Variants in IQCM observed in about 807,000 individuals in gnomAD.
IQCM encodes the protein IQ motif containing M.
In IQCM, 45 loss-of-function variants were observed where a neutral mutation model predicts 57.6. The ratio of observed to expected loss-of-function variants is 0.78; its 90% confidence interval spans 0.62 to 1.00. IQCM has a LOEUF of 1.00. IQCM is among the 50% of genes least tolerant of loss of function. The pLI is 0.00. For missense variants in IQCM, 468 were observed against 511.6 expected, an observed-to-expected ratio of 0.91 and a Z score of 0.82; for synonymous variants, 148 against 158.9, an observed-to-expected ratio of 0.93 and a Z score of 0.51.
intron 13 of IQCM, among the ~76,000 whole-genome samples, chr4:149,406,434 G>C (rs894447139): frequency 1.3e-5 from 2 of 152,100 alleles, no homozygotes; most frequent in Non-Finnish European, 2.9e-5. Flanking sequence ...ATTCAACATA[G>C]AGCGGACATC....
intron 8 of IQCM, among the ~76,000 whole-genome samples, chr4:149,602,793 T>C (rs894318779): frequency 1.3e-5 from 2 of 152,112 alleles, no homozygotes; most frequent in Admixed American, 1.3e-4. Context: ...CATATATGAT[T>C]ATCTATTTTT....
intron 12 of IQCM, among the ~76,000 whole-genome samples, chr4:149,443,487 T>C (rs943382331): frequency 6.6e-6 from 1 of 151,894 alleles, no homozygotes; most frequent in Non-Finnish European, 1.5e-5. Flanking sequence ...TCTGAGAAAA[T>C]TCTGTAATCA....
At chr4:149,726,095 G>GAAAGAAAGA (rs1765883763) in intron 5 of IQCM, among the ~76,000 whole-genome samples, 2 of 139,454 alleles carry the variant, frequency 1.4e-5, no homozygotes, top group Non-Finnish European at 3.1e-5. Context: ...AAGAAAGAAA[G>GAAAGAAAGA]AAAGAAAGAA....
chr4:149,494,946 T>G (rs1175224025), intron 12 of IQCM, among the ~76,000 whole-genome samples: 1 of 152,084 alleles, frequency 6.6e-6, no homozygotes, highest in African/African-American at 2.4e-5. Context: ...AAGAAACCAC[T>G]CATGGTCTAC....
At chr4:149,609,539 A>G (rs991852756) in intron 8 of IQCM, among the ~76,000 whole-genome samples, 11 of 151,966 alleles carry the variant, frequency 7.2e-5, no homozygotes, top group African/African-American at 2.4e-4. Flanking sequence ...ATCATTCATC[A>G]TGATTAAATG....
At chr4:149,411,073 G>C (rs1183633113) in intron 13 of IQCM, among the ~76,000 whole-genome samples, 3 of 151,936 alleles carry the variant, frequency 2.0e-5, no homozygotes, top group Non-Finnish European at 4.4e-5. Flanking sequence ...TTCTAACAAT[G>C]GTCTTTTCAA....
At position 149,553,204 on chromosome 4, in the gene IQCM, A is replaced by G. The variant is rs868496873; in HGVS notation, c.1032T>C (p.Leu344=). The part of the protein sequence containing the change: ...LIHRVRYRRG[L]WRTRQILNLA... ...AGTTGAGAATTTGTCTTGTCCTCCA[A>G]AGACCACGTCGATATCTAACACGGT... Residue 344 remains leucine (L), a synonymous_variant, in exon 11 of 14, where the codon CTT becomes CTC. Transcript: ENST00000636793. 1 of 1,232,046 alleles carries G rather than the reference A, an allele frequency of 8.1e-7. No homozygotes were observed. The highest frequency in any genetic ancestry group is 1.0e-6 in the Non-Finnish European group (1 of 987,894). The allele number at this position is 1,232,046 out of a possible 1,614,324, so 76.3% of individuals were successfully genotyped here. A position where few individuals can be genotyped will look rare whatever the true frequency, so the allele number is the denominator to read the frequency against.
intron 13 of IQCM, among the ~76,000 whole-genome samples, chr4:149,379,168 C>A (rs371828615): frequency 1.4e-4 from 22 of 152,324 alleles, no homozygotes; most frequent in Middle Eastern, 6.8e-3. Context: ...ACATTTGTTG[C>A]AGGAGCAGAC....
At chr4:149,694,214 ATTTC>A (rs1763148227) in intron 5 of IQCM, among the ~76,000 whole-genome samples, 2 of 140,062 alleles carry the variant, frequency 1.4e-5, no homozygotes, top group Non-Finnish European at 3.1e-5. Context: ...CCATGGATTA[ATTTC>A]TTTTTTTTTT....
intron 2 of IQCM, among the ~76,000 whole-genome samples, chr4:149,757,131 G>T (rs965968626): frequency 6.6e-6 from 1 of 151,898 alleles, no homozygotes; most frequent in Non-Finnish European, 1.5e-5. Context: ...GGTGGCAGGC[G>T]CCTGTAGTCC....
chr4:149,516,453 TC>T (rs1744976173), intron 12 of IQCM, among the ~76,000 whole-genome samples: 2 of 152,188 alleles, frequency 1.3e-5, no homozygotes, highest in South Asian at 4.1e-4. Context: ...AATTCACTGG[TC>T]TTACCATGTT....
At chr4:149,752,265 G>A (rs1768521298) in intron 2 of IQCM, among the ~76,000 whole-genome samples, 1 of 152,066 alleles carries the variant, frequency 6.6e-6, no homozygotes, top group African/African-American at 2.4e-5. Flanking sequence ...ATATCTGGCT[G>A]AAAGGCCAGG....
intron 2 of IQCM, among the ~76,000 whole-genome samples, chr4:149,783,522 C>A (rs558564866): frequency 2.0e-5 from 3 of 152,262 alleles, no homozygotes; most frequent in Non-Finnish European, 4.4e-5. Context: ...CATTTAATAT[C>A]AAAATTCAGA....
At chr4:149,570,349 G>A (rs1237594548) in intron 9 of IQCM, among the ~76,000 whole-genome samples, 18 of 151,966 alleles carry the variant, frequency 1.2e-4, no homozygotes, top group Non-Finnish European at 1.2e-4. Flanking sequence ...ATTAAGGAAC[G>A]TGGATTTAAT....
intron 9 of IQCM, among the ~76,000 whole-genome samples, chr4:149,573,067 A>T (rs1707795750): frequency 1.3e-5 from 2 of 151,918 alleles, no homozygotes; most frequent in African/African-American, 4.8e-5. Context: ...CAAATATCTA[A>T]GTAAATTGTG....
intron 7 of IQCM, among the ~76,000 whole-genome samples, chr4:149,635,708 C>T (rs1360441974): frequency 3.9e-5 from 6 of 152,026 alleles, no homozygotes; most frequent in South Asian, 2.1e-4. Context: ...TAGATAAAAA[C>T]GAGAATTACC....
chr4:149,746,565 C>G (rs1767954788), intron 2 of IQCM, among the ~76,000 whole-genome samples: 1 of 152,144 alleles, frequency 6.6e-6, no homozygotes, highest in Admixed American at 6.5e-5. Flanking sequence ...TAATCTCTTG[C>G]CCTGAGCTCT....
intron 2 of IQCM, among the ~76,000 whole-genome samples, chr4:149,754,637 C>G (rs529247374): frequency 9.2e-5 from 14 of 152,248 alleles, no homozygotes; most frequent in African/African-American, 3.1e-4. Context: ...CAGGGATTTC[C>G]AGTGTCCTAG....
chr4:149,366,221 A>G (rs1485679468), intron 13 of IQCM, among the ~76,000 whole-genome samples: 2 of 152,114 alleles, frequency 1.3e-5, no homozygotes, highest in Admixed American at 1.3e-4. Flanking sequence ...TAGCTCTAAT[A>G]AAAGAGTACC....
Sources: gnomAD v4.1 joint callset for allele counts (sites outside exome capture counted in the v4.1 genomes callset) on GRCh38, gnomAD v4.1.1 for gene constraint, MANE v1.5 for transcripts, NCBI Gene and HGNC (gene_info 2026-07-23, HGNC 2026-07-21) for gene names.